Variants in NAA40 observed in about 807,000 individuals in gnomAD.
The protein encoded by NAA40 is N-alpha-acetyltransferase 40.
A neutral mutation model predicts 36.6 loss-of-function variants in NAA40; 26 were observed. The observed-to-expected ratio is 0.71, with a 90% CI of 0.52 to 0.98. The LOEUF is 0.98. NAA40 is among the 50% of genes least tolerant of loss of function. The pLI is 0.00. For missense variants in NAA40, 237 were observed against 306.5 expected (o/e 0.77, Z 1.69); for synonymous variants, 129 against 108.4 (o/e 1.19, Z -1.18).
At chr11:63,952,717 C>A in intron 5 of NAA40, 39 bp from the exon 6 acceptor site, 2 of 1,610,682 alleles carry the variant, frequency 1.2e-6, no homozygotes, top group Non-Finnish European at 1.7e-6. Flanking sequence ...CTCTTCATGT[C>A]CCATCCTGCA....
chr11:63,950,151 G>A (rs190124268), intron 3 of NAA40, among the ~76,000 whole-genome samples: 2,678 of 137,570 alleles, frequency 0.019, 78 homozygotes, highest in African/African-American at 0.072. Flanking sequence ...ACAGAGTCTC[G>A]CTCTGTGCCT....
intron 1 of NAA40, among the ~76,000 whole-genome samples, chr11:63,941,336 C>T (rs565955990): frequency 3.9e-5 from 6 of 152,262 alleles, no homozygotes; most frequent in Admixed American, 2.0e-4. Flanking sequence ...TCAGATGGAG[C>T]GCTTTCTCTT....
At position 63,952,231 on chromosome 11, in the gene NAA40, T is replaced by C; in HGVS notation, c.156-7T>C. 6.2e-7 allele frequency: 1 copy of C among 1,605,550 alleles called. No individual in the cohort carries two copies. The highest frequency in any genetic ancestry group is 8.5e-7 in the Non-Finnish European group (1 of 1,174,798). ...CCAATTCCGTACACGTCCTGTCCTC[T>C]TCTCAGGTTGAATGTCTCCATTGAA... On this transcript the variant is annotated splice_region_variant and splice_polypyrimidine_tract_variant and intron_variant, in intron 3 of 7. Coordinates refer to ENST00000377793, the MANE Select transcript of NAA40 (RefSeq NM_024771.4).
At position 63,955,353 on chromosome 11, in the gene NAA40, A is replaced by G. The variant is rs530012067; in HGVS notation, c.*874A>G. 5 of 152,676 alleles carry G rather than the reference A, an allele frequency of 3.3e-5. No homozygotes were observed. Among genetic ancestry groups the G allele is most frequent in the South Asian group, 4.2e-4 (2 of 4,818 alleles). The allele number at this position is 152,676 out of a possible 1,614,324, so 9.5% of individuals were successfully genotyped here. On this transcript the variant is annotated 3_prime_UTR_variant, in exon 8 of 8. Transcript: ENST00000377793. ...TCCTCTGCCTCTCACCTCTACCCCA[A>G]ATACCTCTGTTCTTAGTCTCAAGGG...
intron 6 of NAA40, among the ~76,000 whole-genome samples, chr11:63,953,093 G>A (rs1429482761): frequency 1.6e-5 from 2 of 128,448 alleles, no homozygotes; most frequent in African/African-American, 5.9e-5. Context: ...TTGTTGCCCG[G>A]GCTGGAGTGC....
chr11:63,940,912 A>G (rs894077930), intron 1 of NAA40, among the ~76,000 whole-genome samples: 2 of 152,220 alleles, frequency 1.3e-5, no homozygotes, highest in African/African-American at 4.8e-5. Flanking sequence ...TTGAAACTAA[A>G]TGAAACCTGT....
chr11:63,944,523 A>G (rs116430697), intron 1 of NAA40, among the ~76,000 whole-genome samples: 2,409 of 152,192 alleles, frequency 0.016, 64 homozygotes, highest in African/African-American at 0.055. Flanking sequence ...ATTAACCCTC[A>G]TAAGGACCCT....
chr11:63,943,421 C>T (rs1942137888), intron 1 of NAA40, among the ~76,000 whole-genome samples: 1 of 152,152 alleles, frequency 6.6e-6, no homozygotes, highest in African/African-American at 2.4e-5. Flanking sequence ...GAAGCCCAGG[C>T]CTTATCGTGG....
intron 1 of NAA40, among the ~76,000 whole-genome samples, chr11:63,941,298 A>G (rs970176790): frequency 1.3e-5 from 2 of 152,222 alleles, no homozygotes; most frequent in Admixed American, 6.5e-5. Context: ...ACCCTGTGGC[A>G]GAGCCTGGCC....
intron 1 of NAA40, 140 bp downstream of exon 1, chr11:63,939,242 TC>T: frequency 1.7e-6 from 2 of 1,146,896 alleles, no homozygotes; most frequent in African/African-American, 2.4e-5. Context: ...ATGACCCGAC[TC>T]CCCCATTCTA....
intron 1 of NAA40, among the ~76,000 whole-genome samples, chr11:63,943,594 C>T (rs1317373324): frequency 1.3e-5 from 2 of 152,090 alleles, no homozygotes; most frequent in Non-Finnish European, 2.9e-5. Flanking sequence ...ACTGAGTGGT[C>T]ACATTGTCTC....
chr11:63,947,460 A>T (rs1186154660), intron 3 of NAA40, among the ~76,000 whole-genome samples: 4 of 152,164 alleles, frequency 2.6e-5, no homozygotes, highest in Admixed American at 6.5e-5. Flanking sequence ...CGTGCCCTAT[A>T]TTGATATAAA....
intron 3 of NAA40, among the ~76,000 whole-genome samples, chr11:63,947,356 G>A (rs972595438): frequency 3.3e-5 from 5 of 151,920 alleles, no homozygotes; most frequent in Non-Finnish European, 5.9e-5. Context: ...GCAGTGAGCC[G>A]AGATAGCACC....
chr11:63,941,349 G>A (rs1398504139), intron 1 of NAA40, among the ~76,000 whole-genome samples: 3 of 152,180 alleles, frequency 2.0e-5, no homozygotes, highest in African/African-American at 7.2e-5. Context: ...TTTCTCTTCA[G>A]TTGCCACACA....
chr11:63,940,189 T>C (rs7120767), intron 1 of NAA40, among the ~76,000 whole-genome samples: 6,651 of 152,090 alleles, frequency 0.044, 489 homozygotes, highest in African/African-American at 0.15. Context: ...CAGCTGGGAT[T>C]ACAGGCGCCC....
At chr11:63,954,161 A>G (rs567449848) in intron 7 of NAA40, 112 bp downstream of exon 7, 7 of 1,370,034 alleles carry the variant, frequency 5.1e-6, no homozygotes, top group South Asian at 5.0e-5. Flanking sequence ...CCAGTGGTCC[A>G]TGGGGGTTCA....
chr11:63,946,852 G>A (rs752995073), intron 2 of NAA40, 99 bp from the exon 3 acceptor site: 33 of 1,606,844 alleles, frequency 2.1e-5, no homozygotes, highest in South Asian at 4.4e-5. Flanking sequence ...CCCGTTGTGG[G>A]TCCCCACAGC....
rs758979844 is a variant in NAA40 at position 63,942,214 on chromosome 11, C to T, written c.6+3112C>T. On this transcript the variant is annotated intron_variant, in intron 1 of 7. Coordinates refer to ENST00000377793, the MANE Select transcript of NAA40 (RefSeq NM_024771.4). ...AGACCGCTTTGAGAACTCTCCTCAC[C>T]GCCTCTGTGACCCTGCAAGTTCCTT... Among the ~76,000 whole-genome samples the T allele has an allele frequency of 3.9e-5, 6 of 152,112 alleles. No homozygotes were observed. The South Asian group carries it at 6.2e-4, about 16-fold the overall frequency.
intron 3 of NAA40, 49 bp from the exon 4 acceptor site, chr11:63,952,189 T>C (rs1942289660): frequency 5.0e-6 from 7 of 1,406,292 alleles, no homozygotes; most frequent in Non-Finnish European, 6.9e-6. Flanking sequence ...AGCAGTGCCC[T>C]GGCAGGAGTG....
Sources: gnomAD v4.1 joint callset for allele counts (sites outside exome capture counted in the v4.1 genomes callset) on GRCh38, gnomAD v4.1.1 for gene constraint, MANE v1.5 for transcripts, NCBI Gene and HGNC (gene_info 2026-07-23, HGNC 2026-07-21) for gene names.